TRPC6: variants seen among roughly 807,000 people sequenced by gnomAD.
The protein encoded by TRPC6 is transient receptor potential cation channel subfamily C member 6.
In TRPC6, 55 loss-of-function variants were observed where a neutral mutation model predicts 90.7. The observed-to-expected ratio is 0.61, with a 90% CI of 0.49 to 0.76. TRPC6 has a LOEUF of 0.76. Among genes scored for constraint, TRPC6 ranks in the 30% least tolerant of loss-of-function variants. The pLI, the probability that TRPC6 is intolerant of heterozygous loss-of-function variation, is 0.00. For missense variants in TRPC6, 989 were observed against 1,122.7 expected, an observed-to-expected ratio of 0.88 and a Z score of 1.70; for synonymous variants, 393 against 393.0, an observed-to-expected ratio of 1.00 and a Z score of 0.00.
intron 2 of TRPC6, among the ~76,000 whole-genome samples, chr11:101,500,500 T>G (rs6590868): frequency 0.47 from 71,796 of 151,602 alleles, 17,520 homozygotes; most frequent in African/African-American, 0.59. Flanking sequence ...GAGCCACCAT[T>G]CTCGGCCCAT....
At chr11:101,509,895 T>C (rs1234465358) in intron 1 of TRPC6, among the ~76,000 whole-genome samples, 1 of 152,184 alleles carries the variant, frequency 6.6e-6, no homozygotes. Flanking sequence ...TTGGTCATTC[T>C]GTATCTGAAA....
intron 1 of TRPC6, among the ~76,000 whole-genome samples, chr11:101,520,393 A>G (rs886227359): frequency 6.6e-6 from 1 of 152,196 alleles, no homozygotes; most frequent in Non-Finnish European, 1.5e-5. Flanking sequence ...ACTGAGTTTC[A>G]GGTAGTTCTT....
chr11:101,457,960 G>A lies in TRPC6; in HGVS notation c.2485-2859C>T, dbSNP rs143019032. Among the ~76,000 whole-genome samples, 44 of 152,162 alleles carry A rather than the reference G, an allele frequency of 2.9e-4. 1 individual carries two copies. The East Asian group carries it at 7.7e-3, about 27-fold the overall frequency. On this transcript the variant is annotated intron_variant, in intron 10 of 12. Coordinates refer to ENST00000344327, the MANE Select transcript of TRPC6 (RefSeq NM_004621.6). ...ACCCCTTTACTTATGATGGGGTTAC[G>A]TCATGATAAATCCATTGTAAGTAAG...
intron 1 of TRPC6, chr11:101,519,827 G>A (rs1403663513): frequency 6.5e-6 from 1 of 153,294 alleles, no homozygotes; most frequent in Non-Finnish European, 1.5e-5. Flanking sequence ...TTTACTGAGT[G>A]AGGGGGTCAG....
At chr11:101,553,051 G>C (rs1316087335) in intron 1 of TRPC6, among the ~76,000 whole-genome samples, 1 of 152,126 alleles carries the variant, frequency 6.6e-6, no homozygotes, top group Admixed American at 6.6e-5. Flanking sequence ...AATTCAGGAA[G>C]TAGAGTATTA....
At chr11:101,525,758 T>C (rs963285506) in intron 1 of TRPC6, among the ~76,000 whole-genome samples, 4 of 152,172 alleles carry the variant, frequency 2.6e-5, no homozygotes. Flanking sequence ...ATGCAATGTT[T>C]GTACTTTATC....
At chr11:101,485,175 G>A (rs1397381487) in intron 4 of TRPC6, among the ~76,000 whole-genome samples, 1 of 138,748 alleles carries the variant, frequency 7.2e-6, no homozygotes, top group East Asian at 2.0e-4. Context: ...AAAGCCAATA[G>A]ATTCTAGAAT....
At chr11:101,507,295 G>A (rs1339721752) in intron 1 of TRPC6, among the ~76,000 whole-genome samples, 1 of 150,390 alleles carries the variant, frequency 6.6e-6, no homozygotes, top group African/African-American at 2.5e-5. Flanking sequence ...ATCAATATAA[G>A]TCTTATTTTA....
intron 10 of TRPC6, among the ~76,000 whole-genome samples, chr11:101,456,739 CCTGGGTGAGAATCA>C (rs1858891749): frequency 6.6e-6 from 1 of 152,100 alleles, no homozygotes; most frequent in African/African-American, 2.4e-5. Flanking sequence ...CACAATCACC[CCTGGGTGAGAATCA>C]CTGGTATAGT....
Position 101,548,459 on chromosome 11 carries a change from T to G in TRPC6, c.170+34875A>C, listed in dbSNP as rs912940912. 2.6e-4 allele frequency among the ~76,000 whole-genome samples: 13 copies of G among 49,838 alleles called. No individual in the cohort carries two copies. The Admixed American group carries it at 3.4e-3, about 13-fold the overall frequency. 32.7% of individuals were successfully genotyped at this position (49,838 alleles called of 152,430 possible). On this transcript the variant is annotated intron_variant, in intron 1 of 12. Coordinates refer to ENST00000344327, the MANE Select transcript of TRPC6 (RefSeq NM_004621.6). ...TATAATACATAATTATATATACTGATATATATATATATATATATCTCTCTC... is the reference window on the plus strand; with the variant it reads ...TATAATACATAATTATATATACTGAGATATATATATATATATATCTCTCTC...
chr11:101,569,308 G>C lies in TRPC6; in HGVS notation c.170+14026C>G, dbSNP rs554021494. ...GATGATAAACGGATCAATGCAACAA[G>C]AAGAGCTACCTATCTTAAATATATG... On this transcript the variant is annotated intron_variant, in intron 1 of 12. Transcript: ENST00000344327. Among the ~76,000 whole-genome samples, 94 of 152,116 alleles carry C rather than the reference G, an allele frequency of 6.2e-4. 1 individual carries two copies. Among genetic ancestry groups the C allele is most frequent in the African/African-American group, 2.1e-3 (86 of 41,492 alleles).
chr11:101,491,041 C>T (rs1448053076), intron 3 of TRPC6, among the ~76,000 whole-genome samples: 1 of 152,160 alleles, frequency 6.6e-6, no homozygotes, highest in Non-Finnish European at 1.5e-5. Flanking sequence ...CTGTAAGATT[C>T]TATATAAATA....
chr11:101,476,589 C>T (rs528549876), intron 5 of TRPC6, 55 bp from the exon 6 acceptor site: 23 of 1,497,314 alleles, frequency 1.5e-5, no homozygotes, highest in Middle Eastern at 1.7e-4. Context: ...CTTAGCTGTT[C>T]TATAAAACAA....
intron 2 of TRPC6, among the ~76,000 whole-genome samples, chr11:101,494,125 C>T (rs1591084887): frequency 6.6e-6 from 1 of 152,222 alleles, no homozygotes; most frequent in Non-Finnish European, 1.5e-5. Context: ...ATAAAATGGT[C>T]TGTTAGGGCC....
chr11:101,534,749 T>G (rs1028559780), intron 1 of TRPC6, among the ~76,000 whole-genome samples: 1 of 152,228 alleles, frequency 6.6e-6, no homozygotes, highest in Admixed American at 6.5e-5. Context: ...ACTTCATAGC[T>G]GAGTGAAGTT....
chr11:101,529,588 G>T (rs1031023115), intron 1 of TRPC6, among the ~76,000 whole-genome samples: 6 of 152,146 alleles, frequency 3.9e-5, no homozygotes, highest in Non-Finnish European at 7.4e-5. Context: ...TGATAATCTT[G>T]GAATTAGGGG....
At chr11:101,555,568 T>C (rs890850623) in intron 1 of TRPC6, among the ~76,000 whole-genome samples, 1 of 152,174 alleles carries the variant, frequency 6.6e-6, no homozygotes, top group African/African-American at 2.4e-5. Flanking sequence ...TATGAAGTTA[T>C]GGATAAACAT....
chr11:101,580,256 G>A lies in TRPC6; in HGVS notation c.170+3078C>T, dbSNP rs181685912. ...CTGGGATTCTTCCCCAAGTTCAGCAGTGATGAACTGTAAACATACCTTTAA... is the reference window on the plus strand; with the variant it reads ...CTGGGATTCTTCCCCAAGTTCAGCAATGATGAACTGTAAACATACCTTTAA... On this transcript the variant is annotated intron_variant, in intron 1 of 12. Transcript: ENST00000344327. Among the ~76,000 whole-genome samples, 10 of 152,242 alleles carry A rather than the reference G, an allele frequency of 6.6e-5. No individual in the cohort carries two copies. In the East Asian group the frequency reaches 1.9e-3, roughly 29 times the overall value.
intron 10 of TRPC6, among the ~76,000 whole-genome samples, chr11:101,461,027 T>C (rs1459577215): frequency 6.6e-6 from 1 of 152,114 alleles, no homozygotes; most frequent in Non-Finnish European, 1.5e-5. Flanking sequence ...TTAAAATACA[T>C]AGAGTGAAGT....
Sources: allele counts gnomAD v4.1 joint callset (sites outside exome capture counted in the v4.1 genomes callset), GRCh38; gene constraint gnomAD v4.1.1; transcripts MANE v1.5; gene names NCBI Gene and HGNC (gene_info 2026-07-23, HGNC 2026-07-21).